PLAUR: variants seen among roughly 807,000 people sequenced by gnomAD.
PLAUR encodes plasminogen activator, urokinase receptor, also known as urokinase plasminogen activator surface receptor.
A neutral mutation model predicts 33.4 loss-of-function variants in PLAUR; 22 were observed. The observed-to-expected ratio is 0.66, with a 90% CI of 0.47 to 0.94. The LOEUF is 0.94. Ranked by LOEUF, PLAUR falls within the 40% of genes least tolerant of loss-of-function variation. The probability of loss-of-function intolerance (pLI) is 0.00; values close to 1 mark genes in which losing one functional copy is unlikely to be tolerated. For synonymous variants in PLAUR, 148 were observed against 167.3 expected (o/e 0.88, Z 0.89); for missense variants, 408 against 434.7 (o/e 0.94, Z 0.55).
chr19:43,652,347 T>C lies in PLAUR; in HGVS notation c.632A>G (p.Gln211Arg). 1 of 1,614,112 alleles carries C rather than the reference T, an allele frequency of 6.2e-7. No individual in the cohort carries two copies. The highest frequency in any genetic ancestry group is 1.1e-5 in the South Asian group (1 of 91,082). The change falls in exon 6 of 7, where the codon CAG becomes CGG. Residue 211 changes from glutamine to arginine, a missense_variant. Transcript: ENST00000340093. ...GCAGCTGTAACACTGGCGGCCATTC[T>C]GCGGCAGATTTTCAAGCTCCAGGAC... ...GPILELENLP[Q>R]NGRQCYSCKG...
chr19:43,663,504 G>A (rs562409273), intron 3 of PLAUR, among the ~76,000 whole-genome samples: 61 of 152,090 alleles, frequency 4.0e-4, no homozygotes, highest in Non-Finnish European at 6.9e-4. Flanking sequence ...GGATGAGGCC[G>A]GGCACGGTGG....
At position 43,648,990 on chromosome 19, in the gene PLAUR, CG is replaced by C; in HGVS notation, c.907del (p.Arg303AlafsTer20). 6.2e-7 allele frequency: 1 copy of C among 1,614,076 alleles called. No homozygotes were observed. Among genetic ancestry groups the C allele is most frequent in the Non-Finnish European group, 8.5e-7 (1 of 1,179,984 alleles). On this transcript the variant is annotated frameshift_variant, in exon 7 of 7. Transcript: ENST00000340093. LOFTEE classifies it low-confidence loss of function (END_TRUNC). Reference sequence around the variant, plus strand: ...GCCAGGCTGAGGAGCAGCCCCACTGCGGTACTGGACATCCAGGTCTGGGTGG... The same window carrying C: ...GCCAGGCTGAGGAGCAGCCCCACTGCGTACTGGACATCCAGGTCTGGGTGG... ...CNHPDLDVQY[R>X]SGAAPQPGPA... is the part of the protein sequence containing the mutation.
chr19:43,648,820 G>A lies in PLAUR; in HGVS notation c.*70C>T. 1 of 1,511,872 alleles carries A rather than the reference G, an allele frequency of 6.6e-7. No homozygotes were observed. The allele number at this position is 1,511,872 out of a possible 1,614,324, so 93.7% of individuals were successfully genotyped here. ...CCTGAGGTCACACAGCAAGTCTGTA[G>A]GGCTGGGAGCCGAGGGAAGGGCAAA... On this transcript the variant is annotated 3_prime_UTR_variant, in exon 7 of 7. Transcript: ENST00000340093.
chr19:43,649,279 G>T, intron 6 of PLAUR, 136 bp from the exon 7 acceptor site: 2 of 975,056 alleles, frequency 2.1e-6, no homozygotes, highest in Non-Finnish European at 3.0e-6. Flanking sequence ...TCAGGGCCAG[G>T]TGTGGTGGCT....
chr19:43,652,007 C>T (rs1266812823), intron 6 of PLAUR: 16 of 1,317,218 alleles, frequency 1.2e-5, no homozygotes, highest in South Asian at 3.4e-5. Flanking sequence ...CTTCAGCCAC[C>T]GCACCCAGCC....
chr19:43,665,542 C>T, intron 2 of PLAUR, 83 bp from the exon 3 acceptor site: 1 of 1,410,596 alleles, frequency 7.1e-7, no homozygotes, highest in Non-Finnish European at 9.9e-7. Context: ...AGGTCATCCA[C>T]TCCCAGGGCT....
chr19:43,661,265 C>T (rs1966978841), intron 3 of PLAUR: 1 of 152,256 alleles, frequency 6.6e-6, no homozygotes, highest in Admixed American at 6.5e-5. Context: ...TCCGTCTGGG[C>T]TCTATTTCCC....
intron 5 of PLAUR, among the ~76,000 whole-genome samples, chr19:43,654,055 C>T (rs4251898): frequency 0.064 from 9,707 of 151,360 alleles, 366 homozygotes; most frequent in Middle Eastern, 0.18. Context: ...ACCCGGGAGG[C>T]GGAGCTTGCA....
chr19:43,669,809 C>CAAAAAAGAAAAAAAAAAA (rs1967444324), intron 1 of PLAUR, among the ~76,000 whole-genome samples: 1 of 71,192 alleles, frequency 1.4e-5, no homozygotes. Context: ...GAGACTCTGT[C>CAAAAAAGAAAAAAAAAAA]AAAAAAAAAA....
chr19:43,655,378 G>C, intron 5 of PLAUR, 61 bp downstream of exon 5: 1 of 1,560,298 alleles, frequency 6.4e-7, no homozygotes, highest in Non-Finnish European at 8.7e-7. Flanking sequence ...CTGCGCAGCT[G>C]TCTGCCTGAG....
intron 6 of PLAUR, chr19:43,651,698 G>T: frequency 1.9e-6 from 1 of 516,482 alleles, no homozygotes; most frequent in Non-Finnish European, 2.5e-6. Flanking sequence ...ACCCTCCCAA[G>T]GTGTTGCAAT....
At chr19:43,649,189 G>A (rs753603740) in intron 6 of PLAUR, 46 bp from the exon 7 acceptor site, 1 of 1,587,210 alleles carries the variant, frequency 6.3e-7, no homozygotes, top group Non-Finnish European at 8.6e-7. Flanking sequence ...CCTGGGCCCA[G>A]GACTGGAATT....
chr19:43,668,492 C>T (rs1331645055), intron 1 of PLAUR, among the ~76,000 whole-genome samples: 3 of 147,674 alleles, frequency 2.0e-5, no homozygotes, highest in African/African-American at 5.0e-5. Context: ...ATTCTAACTT[C>T]GCCCTTTAGC....
intron 3 of PLAUR, among the ~76,000 whole-genome samples, chr19:43,658,228 A>G (rs940725550): frequency 1.6e-4 from 24 of 152,150 alleles, no homozygotes; most frequent in South Asian, 6.2e-4. Context: ...ACCATGGGAA[A>G]GTTCACGTGG....
chr19:43,655,573 C>T lies in PLAUR; in HGVS notation c.473G>A (p.Gly158Glu), dbSNP rs781207003. 1.6e-5 allele frequency: 26 copies of T among 1,613,420 alleles called. No individual in the cohort carries two copies. In the South Asian group the frequency reaches 2.7e-4, roughly 17 times the overall value. The change falls in exon 5 of 7, where the codon GGG becomes GAG. Residue 158 changes from glycine to glutamate, a missense_variant and splice_region_variant. Gly to Glu is a moderately conservative substitution (Grantham distance 98). Coordinates refer to ENST00000340093, the MANE Select transcript of PLAUR (RefSeq NM_002659.4). Reference protein sequence around the residue: ...VTHWIQEGEEGRPKDDRHLRG... With the variant: ...VTHWIQEGEEERPKDDRHLRG... ...GAGGTGGCGGTCATCCTTTGGACGC[C>T]CTATGGGGGCCAGGGGACAGAGGTC...
At chr19:43,655,327 G>C in intron 5 of PLAUR, 112 bp downstream of exon 5, 6 of 658,782 alleles carry the variant, frequency 9.1e-6, no homozygotes, top group East Asian at 7.2e-5. Flanking sequence ...TTTCAGAAAA[G>C]CAAACAGAGG....
chr19:43,656,522 C>T lies in PLAUR; in HGVS notation c.429G>A (p.Gln143=), dbSNP rs199518765. 6.2e-7 allele frequency: 1 copy of T among 1,610,198 alleles called. No individual in the cohort carries two copies. The highest frequency in any genetic ancestry group is 8.5e-7 in the Non-Finnish European group (1 of 1,177,702). ...TCCAGTGGGTCACCACATCCAGGCA[C>T]TGTTCTTCAGGGCTGCGGCACTGCA... ...QSLQCRSPEE[Q]CLDVVTHWIQ... Residue 143 remains glutamine, a synonymous_variant, in exon 4 of 7, where the codon CAG becomes CAA. Coordinates refer to ENST00000340093, the MANE Select transcript of PLAUR (RefSeq NM_002659.4).
intron 4 of PLAUR, 85 bp from the exon 5 acceptor site, chr19:43,655,658 A>G: frequency 1.6e-6 from 2 of 1,215,840 alleles, no homozygotes; most frequent in South Asian, 2.9e-5. Context: ...CAGGCATTCA[A>G]CCATTCTCTA....
chr19:43,656,754 T>C, intron 3 of PLAUR, 114 bp from the exon 4 acceptor site: 1 of 826,414 alleles, frequency 1.2e-6, no homozygotes, highest in Non-Finnish European at 1.8e-6. Flanking sequence ...CAGCCAGTCA[T>C]TGAGCCCTGC....
Sources: gnomAD v4.1 joint callset for allele counts (sites outside exome capture counted in the v4.1 genomes callset) on GRCh38, gnomAD v4.1.1 for gene constraint, MANE v1.5 for transcripts, NCBI Gene and HGNC (gene_info 2026-07-23, HGNC 2026-07-21) for gene names.